PLD5: variants seen among roughly 807,000 people sequenced by gnomAD.
PLD5 encodes the protein phospholipase D family member 5.
A neutral mutation model predicts 61.1 loss-of-function variants in PLD5; 36 were observed. The observed-to-expected ratio is 0.59, with a 90% CI of 0.45 to 0.78. PLD5 has a LOEUF of 0.78. Ranked by LOEUF, PLD5 falls within the 30% of genes least tolerant of loss-of-function variation. PLD5 has a pLI of 0.00. For synonymous variants in PLD5, 243 were observed against 242.8 expected, an observed-to-expected ratio of 1.00 and a Z score of -0.01; for missense variants, 515 against 644.4, an observed-to-expected ratio of 0.80 and a Z score of 2.17.
intron 5 of PLD5, among the ~76,000 whole-genome samples, chr1:242,164,660 C>T (rs1262867348): frequency 6.6e-6 from 1 of 152,178 alleles, no homozygotes; most frequent in Admixed American, 6.5e-5. Context: ...CAGGTGTGGA[C>T]AGAAAGGCTC....
chr1:242,395,043 G>GAATATATATGATTA (rs879927435), intron 1 of PLD5, among the ~76,000 whole-genome samples: 1 of 67,462 alleles, frequency 1.5e-5, no homozygotes, highest in Non-Finnish European at 2.8e-5. Flanking sequence ...GAATGTATAT[G>GAATATATATGATTA]TATATATGAA....
intron 5 of PLD5, among the ~76,000 whole-genome samples, chr1:242,195,922 C>T (rs545721236): frequency 6.6e-6 from 1 of 152,154 alleles, no homozygotes; most frequent in Admixed American, 6.5e-5. Context: ...TGATTGAAAT[C>T]CAAGTGACCG....
At chr1:242,115,744 C>T (rs573941364) in intron 6 of PLD5, among the ~76,000 whole-genome samples, 3 of 151,700 alleles carry the variant, frequency 2.0e-5, no homozygotes, top group African/African-American at 7.3e-5. Flanking sequence ...AAAAGGTCAT[C>T]GATAACAGTG....
chr1:242,405,729 G>A lies in PLD5; in HGVS notation c.190-57487C>T, dbSNP rs561668704. The stretch of plus-strand genomic sequence containing the variant: ...CAATTCTCCTGCCTCAGCCTCCCAA[G>A]TAGCTGGGATTAGAGGCACCCACTA... On this transcript the variant is annotated intron_variant, in intron 1 of 9. Coordinates refer to ENST00000536534, the MANE Select transcript of PLD5 (RefSeq NM_001372062.1). Among the ~76,000 whole-genome samples the A allele has an allele frequency of 3.4e-4, 51 of 151,904 alleles. No homozygotes were observed. In the South Asian group the frequency reaches 5.8e-3, roughly 17 times the overall value.
At chr1:242,208,659 G>C (rs186556264) in intron 5 of PLD5, among the ~76,000 whole-genome samples, 3 of 152,278 alleles carry the variant, frequency 2.0e-5, no homozygotes, top group Admixed American at 2.0e-4. Context: ...CAAGTTACAG[G>C]AGAAGGTCTG....
intron 1 of PLD5, among the ~76,000 whole-genome samples, chr1:242,417,105 T>C (rs930502333): frequency 6.6e-6 from 1 of 152,084 alleles, no homozygotes; most frequent in African/African-American, 2.4e-5. Flanking sequence ...CACCAAGAGG[T>C]AGCCCATGTG....
intron 1 of PLD5, among the ~76,000 whole-genome samples, chr1:242,369,334 T>A (rs2149244695): frequency 6.6e-6 from 1 of 152,218 alleles, no homozygotes; most frequent in East Asian, 1.9e-4. Context: ...GCAGTTTTTA[T>A]CAGAATTTTA....
At chr1:242,182,930 T>C (rs780216805) in intron 5 of PLD5, among the ~76,000 whole-genome samples, 2 of 152,220 alleles carry the variant, frequency 1.3e-5, no homozygotes, top group Non-Finnish European at 2.9e-5. Flanking sequence ...TTTGAGTTCA[T>C]GTTACTGTAA....
chr1:242,194,586 C>CTATCTATCTATCTATG (rs1668489072), intron 5 of PLD5, among the ~76,000 whole-genome samples: 1 of 71,684 alleles, frequency 1.4e-5, no homozygotes, highest in African/African-American at 6.9e-5. Context: ...ATCTATCTAT[C>CTATCTATCTATCTATG]TATCTATCTA....
intron 5 of PLD5, chr1:242,177,633 G>A (rs1667248618): frequency 1.3e-5 from 2 of 152,154 alleles, no homozygotes; most frequent in South Asian, 2.1e-4. Flanking sequence ...AATTAGAGCA[G>A]GTCAACCTAA....
intron 1 of PLD5, among the ~76,000 whole-genome samples, chr1:242,360,626 G>T (rs991167934): frequency 1.3e-5 from 2 of 151,990 alleles, no homozygotes; most frequent in African/African-American, 4.8e-5. Context: ...GTATCATGCT[G>T]TAATTAAGGT....
At chr1:242,250,362 C>T (rs965245535) in intron 4 of PLD5, among the ~76,000 whole-genome samples, 7 of 152,130 alleles carry the variant, frequency 4.6e-5, no homozygotes, top group African/African-American at 1.7e-4. Context: ...CATTACAGTG[C>T]AGGGATGCTC....
In PLD5 at chr1:242,090,009, G is replaced by A; in HGVS notation, c.1456C>T (p.Leu486Phe). ...CAGTCCCTTTCAAACACATCTTTAA[G>A]TTGCTTAATGATGCTTCTGTTGTTC... ...VRNNRSIIKQ[L>F]KDVFERDWYS... Residue 486 changes from leucine (L) to phenylalanine (F), a missense_variant, in exon 10 of 10, where the codon CTT (leucine) becomes TTT (phenylalanine). Transcript: ENST00000536534. The A allele has an allele frequency of 1.2e-6, 2 of 1,614,210 alleles. No individual in the cohort carries two copies. Among genetic ancestry groups the A allele is most frequent in the South Asian group, 1.1e-5 (1 of 91,082 alleles).
chr1:242,289,722 G>T (rs376075389), intron 2 of PLD5, among the ~76,000 whole-genome samples: 1 of 152,158 alleles, frequency 6.6e-6, no homozygotes, highest in South Asian at 2.1e-4. Flanking sequence ...CCAGAACACC[G>T]ATTTGCATTG....
At chr1:242,160,184 T>A (rs1158709642) in intron 5 of PLD5, among the ~76,000 whole-genome samples, 1 of 152,010 alleles carries the variant, frequency 6.6e-6, no homozygotes, top group African/African-American at 2.4e-5. Flanking sequence ...GCTAATTAAT[T>A]TTTGTCTATT....
intron 4 of PLD5, among the ~76,000 whole-genome samples, chr1:242,255,460 G>A (rs1274179728): frequency 6.6e-6 from 1 of 152,108 alleles, no homozygotes; most frequent in Non-Finnish European, 1.5e-5. Flanking sequence ...TGGAAACTAG[G>A]GCAGCTTGCA....
chr1:242,333,371 T>C (rs1481071291), intron 2 of PLD5, among the ~76,000 whole-genome samples: 6 of 152,132 alleles, frequency 3.9e-5, no homozygotes. Flanking sequence ...TTTTTTTTCT[T>C]TTTTTGAGGA....
intron 5 of PLD5, among the ~76,000 whole-genome samples, chr1:242,195,850 T>A (rs938181849): frequency 1.3e-5 from 2 of 152,218 alleles, no homozygotes; most frequent in African/African-American, 2.4e-5. Flanking sequence ...TTCAAGGATT[T>A]AAGTTTAGAA....
chr1:242,186,465 G>A (rs568190150), intron 5 of PLD5, among the ~76,000 whole-genome samples: 1 of 152,136 alleles, frequency 6.6e-6, no homozygotes, highest in Non-Finnish European at 1.5e-5. Context: ...TTATAGGCAT[G>A]AGCCACCATA....
Sources: allele counts gnomAD v4.1 joint callset (sites outside exome capture counted in the v4.1 genomes callset), GRCh38; gene constraint gnomAD v4.1.1; transcripts MANE v1.5; gene names NCBI Gene and HGNC (gene_info 2026-07-23, HGNC 2026-07-21).